PAX2: variants seen among roughly 807,000 people sequenced by gnomAD.
The protein encoded by PAX2 is paired box 2, also known as paired box protein Pax-2.
A neutral mutation model predicts 41.7 loss-of-function variants in PAX2; 9 were observed. That is an observed-to-expected ratio of 0.22 (90% confidence interval 0.13 to 0.38). The LOEUF (loss-of-function observed/expected upper bound fraction) is 0.38. Ranked by LOEUF, PAX2 falls within the 10% of genes least tolerant of loss-of-function variation. PAX2 has a pLI of 1.00. For missense variants in PAX2, 418 were observed against 531.6 expected, an observed-to-expected ratio of 0.79 and a Z score of 2.10; for synonymous variants, 221 against 212.7, an observed-to-expected ratio of 1.04 and a Z score of -0.34.
At position 100,761,600 on chromosome 10, in the gene PAX2, A is replaced by T. The variant is rs557911964; in HGVS notation, c.410+10709A>T. On this transcript the variant is annotated intron_variant, in intron 3 of 9. Coordinates refer to ENST00000355243, the MANE Select transcript of PAX2 (RefSeq NM_000278.5). ...AATCGCATTAAAGAGGGCCCTATAAACTTTTCACTTCTAATTAAATTTGTC... is the reference window on the plus strand; with the variant it reads ...AATCGCATTAAAGAGGGCCCTATAATCTTTTCACTTCTAATTAAATTTGTC... 7.2e-5 allele frequency among the ~76,000 whole-genome samples: 11 copies of T among 152,324 alleles called. 1 individual carries two copies. The South Asian group carries it at 2.3e-3, about 32-fold the overall frequency.
chr10:100,804,722 T>G (rs541135839), intron 5 of PAX2, among the ~76,000 whole-genome samples: 1 of 152,288 alleles, frequency 6.6e-6, no homozygotes, highest in South Asian at 2.1e-4. Context: ...CGTTTATATA[T>G]GTACAAGCGC....
chr10:100,817,811 A>G (rs1220741061), intron 7 of PAX2, among the ~76,000 whole-genome samples: 1 of 152,200 alleles, frequency 6.6e-6, no homozygotes, highest in Non-Finnish European at 1.5e-5. Context: ...GAAGCTTGGG[A>G]AATAAGAAAT....
upstream of PAX2, among the ~76,000 whole-genome samples, chr10:100,741,153 C>T (rs1378167330): frequency 6.6e-6 from 1 of 152,110 alleles, no homozygotes; most frequent in East Asian, 1.9e-4. Flanking sequence ...AGCACGTGCG[C>T]CTGGACTCCA....
chr10:100,804,977 T>C (rs564058869), intron 5 of PAX2, among the ~76,000 whole-genome samples: 4,850 of 71,916 alleles, frequency 0.067, 118 homozygotes, highest in Middle Eastern at 0.11. Context: ...CTCTCTCTCC[T>C]TCTCTCTCTC....
At position 100,827,366 on chromosome 10, in the gene PAX2, T is replaced by C. The variant is rs954684320; in HGVS notation, c.1109-177T>C. 6.6e-6 allele frequency among the ~76,000 whole-genome samples: 1 copy of C among 152,184 alleles called. No homozygotes were observed. Among genetic ancestry groups the C allele is most frequent in the Non-Finnish European group, 1.5e-5 (1 of 68,028 alleles). ...GCGTCACCAGATCGGGTCCCTCTCA[T>C]GCCCCGTGAACGCAACTATTCTCCG... On this transcript the variant is annotated intron_variant, in intron 9 of 9. Coordinates refer to ENST00000355243, the MANE Select transcript of PAX2 (RefSeq NM_000278.5). This position sits in a 1 kb window ranked among gnomAD's most constrained non-coding sequence, Gnocchi z 8.5.
intron 8 of PAX2, among the ~76,000 whole-genome samples, chr10:100,825,874 G>C (rs550064812): frequency 1.3e-5 from 2 of 152,058 alleles, no homozygotes; most frequent in South Asian, 4.2e-4. Flanking sequence ...CTTGTTGGGA[G>C]GCAAGGAGAT....
intron 7 of PAX2, among the ~76,000 whole-genome samples, chr10:100,813,337 C>T (rs979091506): frequency 2.0e-5 from 3 of 152,228 alleles, no homozygotes; most frequent in Non-Finnish European, 4.4e-5. Flanking sequence ...GGCTACCTCA[C>T]CAAAACATAA....
At chr10:100,735,578 G>T (rs1011842075) in exon 1 of PAX2, 181 of 737,584 alleles carry the variant, frequency 2.5e-4, no homozygotes, top group Non-Finnish European at 3.0e-4. Flanking sequence ...TATCTGAGCC[G>T]CTTGGTGTTG....
intron 7 of PAX2, among the ~76,000 whole-genome samples, chr10:100,811,217 C>T (rs1847980112): frequency 6.6e-6 from 1 of 152,196 alleles, no homozygotes; most frequent in Non-Finnish European, 1.5e-5. Context: ...TTAATAGTGC[C>T]ATTACCCAAG....
At chr10:100,782,243 C>G (rs960466120) in intron 5 of PAX2, among the ~76,000 whole-genome samples, 6 of 151,956 alleles carry the variant, frequency 3.9e-5, no homozygotes, top group Non-Finnish European at 8.8e-5. Context: ...AAAGACATCT[C>G]CCAGGAAAGA....
rs202055483 is a variant in PAX2, at chr10:100,794,938, CT to C, written c.617-11491del. Among the ~76,000 whole-genome samples, 39 of 152,226 alleles carry C rather than the reference CT, an allele frequency of 2.6e-4. No individual in the cohort carries two copies. In the East Asian group the frequency reaches 7.5e-3, roughly 29 times the overall value. On this transcript the variant is annotated intron_variant, in intron 5 of 9. Coordinates refer to ENST00000355243, the MANE Select transcript of PAX2 (RefSeq NM_000278.5). ...ACCTTGTTGGTTTGGGTTCTTAATTCTACCCGATTAAGGTCATAAGGATGTC... is the reference window on the plus strand; with the variant it reads ...ACCTTGTTGGTTTGGGTTCTTAATTCACCCGATTAAGGTCATAAGGATGTC...
At chr10:100,739,145 C>T (rs1422860494) in intron 1 of PAX2, among the ~76,000 whole-genome samples, 1 of 152,120 alleles carries the variant, frequency 6.6e-6, no homozygotes, top group Non-Finnish European at 1.5e-5. Flanking sequence ...GTCCTGGCTC[C>T]AGGCTGGACG....
intron 3 of PAX2, among the ~76,000 whole-genome samples, chr10:100,754,301 G>A (rs1252228648): frequency 6.6e-6 from 1 of 152,252 alleles, no homozygotes; most frequent in Non-Finnish European, 1.5e-5. Context: ...CCCAAATAGA[G>A]TCTGGGGTTA....
chr10:100,750,596 G>C lies in PAX2; in HGVS notation c.213-98G>C, dbSNP rs756077842. The C allele has an allele frequency of 6.4e-6, 7 of 1,096,618 alleles. No homozygotes were observed. The highest frequency in any genetic ancestry group is 9.5e-6 in the Non-Finnish European group (7 of 736,864). 67.9% of individuals were successfully genotyped at this position (1,096,618 alleles called of 1,614,324 possible). A position where few individuals can be genotyped will look rare whatever the true frequency, so the allele number is the denominator to read the frequency against. On this transcript the variant is annotated intron_variant, in intron 2 of 9. Transcript: ENST00000355243. The surrounding 1 kb of genome is among the most constrained non-coding windows in gnomAD (Gnocchi z 4.1). Reference sequence around the variant, plus strand: ...CCTTTTCCCTCCACTCCGCTGCCTCGGCCGGGCAGGAGAGTGGCTCAGCAG... The same window carrying C: ...CCTTTTCCCTCCACTCCGCTGCCTCCGCCGGGCAGGAGAGTGGCTCAGCAG...
chr10:100,745,640 A>T lies in PAX2; in HGVS notation c.-621A>T. 1 of 553,708 alleles carries T rather than the reference A, an allele frequency of 1.8e-6. No individual in the cohort carries two copies. Among genetic ancestry groups the T allele is most frequent in the Non-Finnish European group, 2.3e-6 (1 of 426,494 alleles). The allele number at this position is 553,708 out of a possible 1,614,324, so 34.3% of individuals were successfully genotyped here. On this transcript the variant is annotated 5_prime_UTR_variant, in exon 1 of 10. Transcript: ENST00000355243. ...CACCTGGGGCCAGCCCAGAGCTGCC[A>T]GCGCCGCTCGGCTCCCTCCCTCCCT...
chr10:100,797,660 C>T (rs1418097167), intron 5 of PAX2, among the ~76,000 whole-genome samples: 1 of 152,148 alleles, frequency 6.6e-6, no homozygotes, highest in Non-Finnish European at 1.5e-5. Flanking sequence ...ATTATTAGTA[C>T]TATTTCTACA....
At chr10:100,735,844 C>T in intron 1 of PAX2, 1 of 728,542 alleles carries the variant, frequency 1.4e-6, no homozygotes, top group African/African-American at 1.9e-5. Context: ...TGCTCAGTAC[C>T]CGGCGGGCGA....
chr10:100,814,114 C>T (rs543336936), intron 7 of PAX2, among the ~76,000 whole-genome samples: 13 of 151,512 alleles, frequency 8.6e-5, no homozygotes, highest in East Asian at 3.9e-4. Context: ...TTTGGGAGGC[C>T]GAGGCAGGCG....
intron 5 of PAX2, among the ~76,000 whole-genome samples, chr10:100,793,434 C>T (rs1050150192): frequency 6.6e-6 from 1 of 152,230 alleles, no homozygotes; most frequent in East Asian, 1.9e-4. Flanking sequence ...CCCTCCTTGT[C>T]GGTACCCACT....
Sources: allele counts gnomAD v4.1 joint callset (sites outside exome capture counted in the v4.1 genomes callset), GRCh38; gene constraint gnomAD v4.1.1; non-coding constraint Gnocchi (gnomAD v3.1); transcripts MANE v1.5; gene names NCBI Gene and HGNC (gene_info 2026-07-23, HGNC 2026-07-21).